The following CSGALNACT1 variants were observed in gnomAD, a reference collection of about 807,000 sequenced individuals.
CSGALNACT1 encodes the protein beta4GalNAcT-1.
A neutral mutation model predicts 51.0 loss-of-function variants in CSGALNACT1; 52 were observed. The observed-to-expected ratio is 1.02, with a 90% CI of 0.82 to 1.29. CSGALNACT1 has a LOEUF of 1.29. Among genes scored for constraint, CSGALNACT1 ranks in the 50% most tolerant of loss-of-function variants. CSGALNACT1 has a pLI of 0.00. For missense variants in CSGALNACT1, 935 were observed against 679.2 expected, an observed-to-expected ratio of 1.38 and a Z score of -4.19; for synonymous variants, 341 against 254.4, an observed-to-expected ratio of 1.34 and a Z score of -3.24.
chr8:19,575,001 C>G (rs1332500829), intron 3 of CSGALNACT1, among the ~76,000 whole-genome samples: 1 of 151,784 alleles, frequency 6.6e-6, no homozygotes, highest in African/African-American at 2.4e-5. Flanking sequence ...CGCCACTGCA[C>G]TCCAGCCTGA....
At chr8:19,682,576 C>A (rs768892795) in exon 1 of CSGALNACT1, 17 of 452,786 alleles carry the variant, frequency 3.8e-5, no homozygotes, top group Non-Finnish European at 6.2e-5. Flanking sequence ...GGGTTTCCAC[C>A]TAAGGAGAGC....
intron 1 of CSGALNACT1, among the ~76,000 whole-genome samples, chr8:19,671,752 C>T (rs1004074359): frequency 1.3e-5 from 2 of 152,124 alleles, no homozygotes; most frequent in African/African-American, 2.4e-5. Flanking sequence ...GGGGGAGCTA[C>T]AAACTTAGGG....
chr8:19,479,746 C>T (rs150585018), intron 4 of CSGALNACT1, among the ~76,000 whole-genome samples: 8 of 148,344 alleles, frequency 5.4e-5, no homozygotes, highest in Non-Finnish European at 1.0e-4. Flanking sequence ...AAGGAAAAGC[C>T]GTATTTCTTG....
At chr8:19,625,795 G>A (rs965954999) in intron 1 of CSGALNACT1, among the ~76,000 whole-genome samples, 1 of 152,184 alleles carries the variant, frequency 6.6e-6, no homozygotes, top group African/African-American at 2.4e-5. Flanking sequence ...AGGAGTTTGA[G>A]GCTGGGGAAT....
chr8:19,667,035 G>A (rs556701603), intron 1 of CSGALNACT1, among the ~76,000 whole-genome samples: 9 of 36,378 alleles, frequency 2.5e-4, no homozygotes, highest in African/African-American at 9.6e-4. Context: ...AAGGAAGGAA[G>A]GAAGGAAGAA....
intron 6 of CSGALNACT1, among the ~76,000 whole-genome samples, chr8:19,437,348 G>A (rs7835945): frequency 0.62 from 93,446 of 151,926 alleles, 30,088 homozygotes; most frequent in East Asian, 0.84. Context: ...AGGGAGCAGT[G>A]AGTCGTAAAG....
intron 4 of CSGALNACT1, among the ~76,000 whole-genome samples, chr8:19,459,759 A>C (rs4625053): frequency 1.3e-5 from 2 of 151,882 alleles, no homozygotes; most frequent in East Asian, 1.9e-4. Flanking sequence ...TTGTATGTGA[A>C]AGAAGTTAGA....
intron 4 of CSGALNACT1, among the ~76,000 whole-genome samples, chr8:19,493,622 T>G (rs941085078): frequency 3.2e-4 from 48 of 152,226 alleles, no homozygotes; most frequent in African/African-American, 1.1e-3. Flanking sequence ...GGTTTTTAAC[T>G]TGATGTAATT....
At chr8:19,455,089 T>C (rs1260102442) in intron 5 of CSGALNACT1, among the ~76,000 whole-genome samples, 1 of 152,230 alleles carries the variant, frequency 6.6e-6, no homozygotes. Context: ...TCAACTCATG[T>C]TAATAAGGGT....
At chr8:19,612,950 A>AAAAAC (rs2052485873) in intron 1 of CSGALNACT1, among the ~76,000 whole-genome samples, 1 of 121,114 alleles carries the variant, frequency 8.3e-6, no homozygotes, top group Non-Finnish European at 1.6e-5. Flanking sequence ...CAGCTGGAAA[A>AAAAAC]AAAAAAAAAA....
At chr8:19,616,753 T>C (rs1277228603) in intron 1 of CSGALNACT1, among the ~76,000 whole-genome samples, 1 of 152,114 alleles carries the variant, frequency 6.6e-6, no homozygotes, top group Non-Finnish European at 1.5e-5. Flanking sequence ...CCACCGTAAG[T>C]AAAAGCTCCC....
intron 3 of CSGALNACT1, among the ~76,000 whole-genome samples, chr8:19,557,301 A>T (rs1329657706): frequency 6.6e-6 from 1 of 152,098 alleles, no homozygotes; most frequent in African/African-American, 2.4e-5. Flanking sequence ...CCTCCTCACT[A>T]CTATTCCTCT....
chr8:19,525,102 C>T (rs2081406505), intron 3 of CSGALNACT1, among the ~76,000 whole-genome samples: 1 of 152,200 alleles, frequency 6.6e-6, no homozygotes, highest in African/African-American at 2.4e-5. Flanking sequence ...AAGCATGCCC[C>T]TTCAGTATGG....
intron 1 of CSGALNACT1, among the ~76,000 whole-genome samples, chr8:19,633,934 G>A (rs2055648243): frequency 6.6e-6 from 1 of 152,092 alleles, no homozygotes; most frequent in Non-Finnish European, 1.5e-5. Context: ...CCTCCCCAGG[G>A]ACCAGACTTC....
chr8:19,696,113 C>T (rs2061570029), intron 1 of CSGALNACT1, among the ~76,000 whole-genome samples: 1 of 152,202 alleles, frequency 6.6e-6, no homozygotes, highest in South Asian at 2.1e-4. Context: ...GGCAGGAATG[C>T]TTACGGCTAT....
At chr8:19,490,140 T>C (rs750919110) in intron 4 of CSGALNACT1, among the ~76,000 whole-genome samples, 1 of 152,168 alleles carries the variant, frequency 6.6e-6, no homozygotes, top group Non-Finnish European at 1.5e-5. Context: ...GCCCTGCTCT[T>C]CCCCCGACTT....
intron 1 of CSGALNACT1, among the ~76,000 whole-genome samples, chr8:19,644,231 G>C (rs2057028707): frequency 6.6e-6 from 1 of 152,050 alleles, no homozygotes; most frequent in Admixed American, 6.5e-5. Context: ...ATAATTAATA[G>C]TGATCATCAT....
intron 1 of CSGALNACT1, among the ~76,000 whole-genome samples, chr8:19,656,635 C>A (rs2058307397): frequency 8.0e-6 from 1 of 125,768 alleles, no homozygotes; most frequent in African/African-American, 2.9e-5. Context: ...AGACTTCAAA[C>A]ATTAGAATTA....
chr8:19,586,866 G>C (rs750877141), intron 3 of CSGALNACT1, among the ~76,000 whole-genome samples: 28 of 152,170 alleles, frequency 1.8e-4, no homozygotes, highest in Admixed American at 2.0e-4. Flanking sequence ...CCCTACCAGA[G>C]AGGAATCCAT....
Sources: allele counts gnomAD v4.1 joint callset (sites outside exome capture counted in the v4.1 genomes callset), GRCh38; gene constraint gnomAD v4.1.1; transcripts MANE v1.5; gene names NCBI Gene and HGNC (gene_info 2026-07-23, HGNC 2026-07-21).